MED12L: variants seen among roughly 807,000 people sequenced by gnomAD.
MED12L encodes the protein mediator of RNA polymerase II transcription subunit 12-like protein.
MED12L carries 60 observed loss-of-function variants against 281.3 expected under a neutral mutation model. The ratio of observed to expected loss-of-function variants is 0.21; its 90% CI spans 0.17 to 0.26. The LOEUF (loss-of-function observed/expected upper bound fraction) is 0.26, where lower values mean the gene tolerates loss of function less well. Among genes scored for constraint, MED12L ranks in the 10% least tolerant of loss-of-function variants. The pLI is 1.00. For synonymous variants in MED12L, 974 were observed against 987.2 expected, an observed-to-expected ratio of 0.99 and a Z score of 0.25; for missense variants, 2,146 against 2,680.9, an observed-to-expected ratio of 0.80 and a Z score of 4.41.
At chr3:151,388,200 G>T in intron 37 of MED12L, 28 bp downstream of exon 37, 1 of 1,563,666 alleles carries the variant, frequency 6.4e-7, no homozygotes, top group South Asian at 1.2e-5. Flanking sequence ...GGAGAACCTT[G>T]GCTCATTAGC....
At chr3:151,161,245 A>C (rs1164601763) in intron 8 of MED12L, among the ~76,000 whole-genome samples, 2 of 151,500 alleles carry the variant, frequency 1.3e-5, no homozygotes, top group Non-Finnish European at 2.9e-5. Context: ...GCTTTGGACT[A>C]TTTTGGACTG....
chr3:151,240,173 A>T (rs1436892424), intron 16 of MED12L, among the ~76,000 whole-genome samples: 2 of 152,078 alleles, frequency 1.3e-5, no homozygotes, highest in East Asian at 1.9e-4. Flanking sequence ...TAGAGTGTAG[A>T]TTACTTAAGG....
At chr3:151,264,148 G>A (rs1739410870) in intron 16 of MED12L, among the ~76,000 whole-genome samples, 2 of 152,196 alleles carry the variant, frequency 1.3e-5, no homozygotes, top group Non-Finnish European at 2.9e-5. Flanking sequence ...TCATTGTTCA[G>A]TGTTTAAAGA....
At chr3:151,110,888 A>G (rs1655757174) in intron 2 of MED12L, among the ~76,000 whole-genome samples, 1 of 152,072 alleles carries the variant, frequency 6.6e-6, no homozygotes, top group East Asian at 1.9e-4. Flanking sequence ...TGGGACATCC[A>G]TTTTCTTCCT....
chr3:151,339,074 A>G (rs951340466), intron 16 of MED12L, among the ~76,000 whole-genome samples: 1 of 152,122 alleles, frequency 6.6e-6, no homozygotes, highest in Non-Finnish European at 1.5e-5. Flanking sequence ...CTGAAGTACA[A>G]TATGTGAAGT....
chr3:151,226,936 C>T (rs1377593763), intron 16 of MED12L, among the ~76,000 whole-genome samples: 2 of 152,174 alleles, frequency 1.3e-5, no homozygotes, highest in African/African-American at 4.8e-5. Flanking sequence ...CAGGGAGAAA[C>T]CCAGATCTGC....
At chr3:151,423,381 G>A (rs1294883558) in intron 43 of MED12L, among the ~76,000 whole-genome samples, 1 of 152,096 alleles carries the variant, frequency 6.6e-6, no homozygotes, top group Non-Finnish European at 1.5e-5. Context: ...AAGTGACTCA[G>A]GGCAGAAATT....
At chr3:151,357,476 T>G (rs1754070661) in intron 20 of MED12L, 100 bp downstream of exon 20, 6 of 1,059,344 alleles carry the variant, frequency 5.7e-6, no homozygotes, top group Non-Finnish European at 7.8e-6. Context: ...TACTGATACC[T>G]GTTTTAGTTA....
intron 16 of MED12L, among the ~76,000 whole-genome samples, chr3:151,334,626 A>G (rs909300700): frequency 6.6e-6 from 1 of 151,928 alleles, no homozygotes; most frequent in South Asian, 2.1e-4. Flanking sequence ...CAGCCTCCTG[A>G]GTAGCTGGGA....
intron 4 of MED12L, 44 bp from the exon 5 acceptor site, chr3:151,127,781 A>G: frequency 7.1e-7 from 1 of 1,412,004 alleles, no homozygotes; most frequent in African/African-American, 1.4e-5. Context: ...AGTGATGAAC[A>G]CAGTACGTGA....
intron 16 of MED12L, among the ~76,000 whole-genome samples, chr3:151,238,807 T>C (rs953782295): frequency 6.6e-6 from 1 of 152,258 alleles, no homozygotes; most frequent in Non-Finnish European, 1.5e-5. Context: ...ATTAATTATG[T>C]ATAAAGTACA....
At chr3:151,326,327 A>C (rs929929960) in intron 16 of MED12L, 2 of 152,622 alleles carry the variant, frequency 1.3e-5, no homozygotes, top group African/African-American at 2.4e-5. Context: ...TTTATCAAAC[A>C]TTTATTGATT....
At chr3:151,172,607 G>T (rs545587139) in intron 11 of MED12L, among the ~76,000 whole-genome samples, 5 of 152,322 alleles carry the variant, frequency 3.3e-5, no homozygotes, top group East Asian at 3.9e-4. Flanking sequence ...CACTCAGGAT[G>T]GGGTAGCTGC....
chr3:151,365,059 T>G lies in MED12L; in HGVS notation c.3038T>G (p.Phe1013Cys). The change falls in exon 22 of 45, where the codon TTC (phenylalanine) becomes TGC (cysteine). Residue 1013 changes from phenylalanine to cysteine, a missense_variant. This residue lies in a region of MED12L where 404 missense variants were observed against 603.5 expected (regional missense o/e 0.67). Transcript: ENST00000687756. ...TCGAACTTGCGATGGGATCCAGACT[T>G]CATGATGGATTTTATTGAGAATCCC... ...ANSNLRWDPD[F>C]MMDFIENPSA... 1 of 1,614,112 alleles carries G rather than the reference T, an allele frequency of 6.2e-7. No homozygotes were observed. The highest frequency in any genetic ancestry group is 1.3e-5 in the African/African-American group (1 of 75,066).
chr3:151,379,084 C>T (rs1244096004), intron 31 of MED12L, among the ~76,000 whole-genome samples: 2 of 152,244 alleles, frequency 1.3e-5, no homozygotes, highest in South Asian at 2.1e-4. Context: ...CTCTTAACTA[C>T]AGTACATTTT....
intron 16 of MED12L, among the ~76,000 whole-genome samples, chr3:151,323,023 C>A (rs1247329075): frequency 6.6e-6 from 1 of 152,218 alleles, no homozygotes; most frequent in African/African-American, 2.4e-5. Context: ...TGATGATGAC[C>A]TAGCAAATCG....
At chr3:151,327,702 T>TGA (rs1300539297) in intron 16 of MED12L, 2 of 236,218 alleles carry the variant, frequency 8.5e-6, no homozygotes, top group Admixed American at 5.3e-5. Context: ...CTTAGTCTTT[T>TGA]CCAAAATGTT....
At chr3:151,335,009 A>AT (rs1188745992) in intron 16 of MED12L, among the ~76,000 whole-genome samples, 22 of 151,928 alleles carry the variant, frequency 1.4e-4, no homozygotes, top group Non-Finnish European at 2.8e-4. Flanking sequence ...TATTCATTTG[A>AT]TTTTTTTCCT....
intron 43 of MED12L, among the ~76,000 whole-genome samples, chr3:151,426,094 G>A (rs1367904213): frequency 6.6e-6 from 1 of 152,162 alleles, no homozygotes; most frequent in African/African-American, 2.4e-5. Flanking sequence ...AAACCTTACT[G>A]AACCTATTTA....
Sources: gnomAD v4.1 joint callset for allele counts (sites outside exome capture counted in the v4.1 genomes callset) on GRCh38, gnomAD v4.1.1 for gene constraint, gnomAD v4.1.1 regional missense constraint, MANE v1.5 for transcripts, NCBI Gene and HGNC (gene_info 2026-07-23, HGNC 2026-07-21) for gene names.